MECOM: variants seen among roughly 807,000 people sequenced by gnomAD.
The protein encoded by MECOM is histone-lysine N-methyltransferase MECOM.
In MECOM, 13 loss-of-function variants were observed where a neutral mutation model predicts 116.3. That is an observed-to-expected ratio of 0.11 (90% CI 0.07 to 0.18). MECOM has a LOEUF of 0.18. MECOM is among the 10% of genes least tolerant of loss of function. The probability of loss-of-function intolerance (pLI) is 1.00; values close to 1 mark genes in which losing one functional copy is unlikely to be tolerated. For synonymous variants in MECOM, 528 were observed against 535.2 expected, an observed-to-expected ratio of 0.99 and a Z score of 0.19; for missense variants, 1,299 against 1,509.0, an observed-to-expected ratio of 0.86 and a Z score of 2.31.
At chr3:169,325,261 T>TCATC (rs1052609675) in intron 2 of MECOM, among the ~76,000 whole-genome samples, 48 of 152,278 alleles carry the variant, frequency 3.2e-4, no homozygotes, top group African/African-American at 8.4e-4. Flanking sequence ...CACTGGAAAC[T>TCATC]GGATGAGGTG....
At chr3:169,431,407 C>T (rs1324450587) in intron 1 of MECOM, among the ~76,000 whole-genome samples, 1 of 152,188 alleles carries the variant, frequency 6.6e-6, no homozygotes, top group Non-Finnish European at 1.5e-5. Flanking sequence ...GCACTGCCTA[C>T]TGGCTTACCG....
chr3:169,307,024 G>A (rs570091481), intron 2 of MECOM, among the ~76,000 whole-genome samples: 1 of 152,296 alleles, frequency 6.6e-6, no homozygotes, highest in East Asian at 1.9e-4. Context: ...TAACAGCCAT[G>A]CCAAGTTTAC....
intron 1 of MECOM, among the ~76,000 whole-genome samples, chr3:169,486,017 T>TATA (rs1560341532): frequency 9.0e-6 from 1 of 111,714 alleles, no homozygotes; most frequent in African/African-American, 3.8e-5. Context: ...TATATATATA[T>TATA]GTATATATAG....
intron 2 of MECOM, among the ~76,000 whole-genome samples, chr3:169,322,628 G>GA (rs565585927): frequency 1.9e-3 from 281 of 147,234 alleles, no homozygotes; most frequent in Non-Finnish European, 3.1e-3. Flanking sequence ...ACTGTAAAAA[G>GA]AAAAAAAAAA....
intron 2 of MECOM, among the ~76,000 whole-genome samples, chr3:169,169,598 C>T (rs1744102841): frequency 6.6e-6 from 1 of 151,886 alleles, no homozygotes; most frequent in Admixed American, 6.6e-5. Context: ...GGAAAAGAAA[C>T]CTAAGTGTCA....
At chr3:169,103,356 T>C (rs1724243842) in intron 10 of MECOM, among the ~76,000 whole-genome samples, 1 of 152,040 alleles carries the variant, frequency 6.6e-6, no homozygotes, top group Admixed American at 6.6e-5. Flanking sequence ...AGGGCTCACA[T>C]TTTATTTGGA....
intron 1 of MECOM, among the ~76,000 whole-genome samples, chr3:169,421,766 C>T (rs1443039119): frequency 4.0e-5 from 6 of 151,874 alleles, no homozygotes; most frequent in Non-Finnish European, 7.4e-5. Context: ...GATATCACTG[C>T]TCAGGCTCAG....
chr3:169,484,450 T>C (rs1448330080), intron 1 of MECOM, among the ~76,000 whole-genome samples: 4 of 145,724 alleles, frequency 2.7e-5, no homozygotes, highest in Non-Finnish European at 1.5e-5. Flanking sequence ...GCAAAAGATA[T>C]TTATTTCTTT....
At chr3:169,255,842 C>A (rs1756797972) in intron 2 of MECOM, among the ~76,000 whole-genome samples, 1 of 152,136 alleles carries the variant, frequency 6.6e-6, no homozygotes, top group African/African-American at 2.4e-5. Context: ...CTGTCACAGG[C>A]TCATTACTAA....
chr3:169,399,972 T>C (rs947978823), intron 1 of MECOM, among the ~76,000 whole-genome samples: 3 of 152,186 alleles, frequency 2.0e-5, no homozygotes, highest in Non-Finnish European at 4.4e-5. Flanking sequence ...AAGGAATGTC[T>C]CCAAGTTTAG....
intron 2 of MECOM, among the ~76,000 whole-genome samples, chr3:169,195,815 T>C (rs373243967): frequency 2.0e-5 from 3 of 152,068 alleles, no homozygotes; most frequent in African/African-American, 7.2e-5. Flanking sequence ...GAGCAATTGA[T>C]TGATGAATCC....
intron 1 of MECOM, among the ~76,000 whole-genome samples, chr3:169,431,047 A>T (rs571109418): frequency 6.6e-6 from 1 of 152,274 alleles, no homozygotes; most frequent in African/African-American, 2.4e-5. Flanking sequence ...CACTGTCTTT[A>T]TATATAAGGG....
At chr3:169,437,022 A>G (rs536345586) in intron 1 of MECOM, among the ~76,000 whole-genome samples, 76 of 152,258 alleles carry the variant, frequency 5.0e-4, no homozygotes, top group Admixed American at 1.0e-3. Flanking sequence ...GGCTAAAAAT[A>G]ATTTCAGAGT....
intron 10 of MECOM, among the ~76,000 whole-genome samples, chr3:169,107,644 G>A (rs1158897085): frequency 6.6e-6 from 1 of 152,138 alleles, no homozygotes; most frequent in Non-Finnish European, 1.5e-5. Flanking sequence ...TTAACAGCGT[G>A]TTCCCAGGTG....
At chr3:169,309,499 T>G (rs77538636) in intron 2 of MECOM, among the ~76,000 whole-genome samples, 6,075 of 152,260 alleles carry the variant, frequency 0.04, 166 homozygotes, top group Non-Finnish European at 0.061. Context: ...CAATTACATA[T>G]AGAGGGAAAC....
intron 1 of MECOM, among the ~76,000 whole-genome samples, chr3:169,427,515 T>C (rs1740925198): frequency 6.6e-6 from 1 of 152,240 alleles, no homozygotes; most frequent in Admixed American, 6.5e-5. Flanking sequence ...GGGCTTTATC[T>C]TGTCCATTTG....
At chr3:169,105,402 G>T (rs370818108) in intron 10 of MECOM, among the ~76,000 whole-genome samples, 3 of 152,244 alleles carry the variant, frequency 2.0e-5, no homozygotes, top group East Asian at 3.9e-4. Context: ...TGAGTCACGT[G>T]ATGTTCCTCC....
At chr3:169,114,995 C>T (rs901860475) in intron 8 of MECOM, among the ~76,000 whole-genome samples, 2 of 152,122 alleles carry the variant, frequency 1.3e-5, no homozygotes, top group African/African-American at 4.8e-5. Context: ...GATATCCCCC[C>T]CATTCCAAAG....
At chr3:169,656,244 G>C (rs1158754194) in intron 1 of MECOM, among the ~76,000 whole-genome samples, 1 of 152,142 alleles carries the variant, frequency 6.6e-6, no homozygotes. Flanking sequence ...ACAAGGTTTA[G>C]GAAATGTTGG....
Sources: allele counts gnomAD v4.1 joint callset (sites outside exome capture counted in the v4.1 genomes callset), GRCh38; gene constraint gnomAD v4.1.1; transcripts MANE v1.5; gene names NCBI Gene and HGNC (gene_info 2026-07-23, HGNC 2026-07-21).